The following KDM4C variants were observed in gnomAD, a reference collection of about 807,000 sequenced individuals.
KDM4C encodes the protein lysine demethylase 4C.
KDM4C carries 81 observed loss-of-function variants against 129.3 expected under a neutral mutation model. The ratio of observed to expected loss-of-function variants is 0.63; its 90% CI spans 0.52 to 0.75. KDM4C has a LOEUF of 0.75. KDM4C is among the 30% of genes least tolerant of loss of function. KDM4C has a pLI of 0.00. For missense variants in KDM4C, 1,457 were observed against 1,304.0 expected (o/e 1.12, Z -1.81); for synonymous variants, 573 against 456.1 (o/e 1.26, Z -3.26).
At chr9:6,858,263 A>G (rs1391744486) in intron 5 of KDM4C, among the ~76,000 whole-genome samples, 1 of 96,416 alleles carries the variant, frequency 1.0e-5, no homozygotes, top group East Asian at 4.5e-4. Flanking sequence ...TTTGCATATT[A>G]ATGAATTACT....
intron 1 of KDM4C, among the ~76,000 whole-genome samples, chr9:6,760,937 T>G (rs1356345432): frequency 2.6e-5 from 4 of 151,958 alleles, no homozygotes; most frequent in African/African-American, 9.7e-5. Context: ...CCAACTTCAG[T>G]TCTCCAGTTC....
chr9:7,169,997 C>T (rs778678814), intron 21 of KDM4C, 107 bp downstream of exon 21: 2 of 1,567,488 alleles, frequency 1.3e-6, no homozygotes, highest in Admixed American at 1.9e-5. Flanking sequence ...TGGATTAATT[C>T]TAAAAAAAGC....
intron 4 of KDM4C, among the ~76,000 whole-genome samples, chr9:6,833,046 A>G (rs1304164891): frequency 3.3e-5 from 5 of 151,872 alleles, no homozygotes; most frequent in Non-Finnish European, 1.5e-5. Context: ...GTAAAGTAGT[A>G]TAGATTATTG....
intron 15 of KDM4C, among the ~76,000 whole-genome samples, chr9:7,024,473 T>C (rs1020764946): frequency 2.0e-5 from 3 of 151,872 alleles, no homozygotes; most frequent in Non-Finnish European, 2.9e-5. Context: ...CCTAATGCTA[T>C]CCCTCCCCCG....
intron 1 of KDM4C, among the ~76,000 whole-genome samples, chr9:6,784,740 A>C (rs1407653894): frequency 1.3e-5 from 2 of 152,168 alleles, no homozygotes; most frequent in Non-Finnish European, 2.9e-5. Flanking sequence ...GAGAGAAATG[A>C]GTCCTGGCTT....
chr9:7,152,019 T>G (rs1842777384), intron 19 of KDM4C, among the ~76,000 whole-genome samples: 1 of 152,252 alleles, frequency 6.6e-6, no homozygotes, highest in African/African-American at 2.4e-5. Context: ...AGCATGAGAT[T>G]GCCTGGAAAG....
intron 8 of KDM4C, among the ~76,000 whole-genome samples, chr9:6,899,668 TC>T (rs1052063703): frequency 3.9e-5 from 6 of 152,176 alleles, no homozygotes; most frequent in African/African-American, 1.4e-4. Context: ...TCACATTATG[TC>T]CTCTTTTTAT....
intron 9 of KDM4C, among the ~76,000 whole-genome samples, chr9:6,983,310 T>G (rs534194437): frequency 6.6e-6 from 1 of 152,198 alleles, no homozygotes; most frequent in Non-Finnish European, 1.5e-5. Flanking sequence ...TTGTTCCTAA[T>G]TGTTAGGAAT....
At chr9:7,057,595 G>A (rs950858169) in intron 17 of KDM4C, among the ~76,000 whole-genome samples, 3 of 152,190 alleles carry the variant, frequency 2.0e-5, no homozygotes, top group African/African-American at 7.2e-5. Flanking sequence ...CTCAAAGAAC[G>A]TTAGCAATAT....
At chr9:7,145,747 C>T (rs1842164120) in intron 19 of KDM4C, among the ~76,000 whole-genome samples, 1 of 152,250 alleles carries the variant, frequency 6.6e-6, no homozygotes. Context: ...CACTCTCTTT[C>T]GCTTAAGTTT....
At chr9:7,142,532 G>A (rs1218219496) in intron 19 of KDM4C, among the ~76,000 whole-genome samples, 3 of 152,154 alleles carry the variant, frequency 2.0e-5, no homozygotes, top group African/African-American at 7.2e-5. Flanking sequence ...ATTTTCTGAA[G>A]GAGATGGACT....
intron 17 of KDM4C, among the ~76,000 whole-genome samples, chr9:7,059,405 C>G (rs185216090): frequency 5.3e-5 from 8 of 152,120 alleles, no homozygotes; most frequent in African/African-American, 1.4e-4. Flanking sequence ...GCCTAGCCCT[C>G]GAGAGTATTT....
At chr9:6,936,697 A>G (rs1174632930) in intron 8 of KDM4C, among the ~76,000 whole-genome samples, 1 of 152,200 alleles carries the variant, frequency 6.6e-6, no homozygotes, top group East Asian at 1.9e-4. Context: ...TGTGAAAACA[A>G]TATTTTGGGA....
intron 1 of KDM4C, among the ~76,000 whole-genome samples, chr9:6,764,180 G>C (rs1820156914): frequency 1.3e-5 from 2 of 152,194 alleles, no homozygotes; most frequent in African/African-American, 4.8e-5. Flanking sequence ...GATTTCTAGA[G>C]AATGGTAGGA....
At chr9:7,163,518 A>T (rs1366559412) in intron 19 of KDM4C, among the ~76,000 whole-genome samples, 1 of 152,146 alleles carries the variant, frequency 6.6e-6, no homozygotes, top group Non-Finnish European at 1.5e-5. Flanking sequence ...CATGGGAGAC[A>T]TCTTTAGCAG....
chr9:6,832,427 T>C (rs1295585342), intron 4 of KDM4C, among the ~76,000 whole-genome samples: 2 of 150,108 alleles, frequency 1.3e-5, no homozygotes, highest in African/African-American at 4.9e-5. Flanking sequence ...TTCTTTTTTT[T>C]CTTTTTTTTT....
At chr9:6,946,861 C>G (rs1827068678) in intron 8 of KDM4C, among the ~76,000 whole-genome samples, 1 of 151,238 alleles carries the variant, frequency 6.6e-6, no homozygotes. Flanking sequence ...TTCCTTTTTT[C>G]TTTTGTTTTT....
chr9:6,771,678 A>C (rs182659500), intron 1 of KDM4C, among the ~76,000 whole-genome samples: 93 of 152,322 alleles, frequency 6.1e-4, no homozygotes, highest in African/African-American at 2.2e-3. Flanking sequence ...ATGGCCTCCC[A>C]TGAGTCCTTC....
chr9:6,987,756 A>G lies in KDM4C; in HGVS notation c.1677+1090A>G, dbSNP rs530245117. On this transcript the variant is annotated intron_variant, in intron 11 of 21. Coordinates refer to ENST00000381309, the MANE Select transcript of KDM4C (RefSeq NM_015061.6). ...TATGTAGAATTGTATATCTCATTGA[A>G]TTATAAACACATCAAAAATATGAAA... is the stretch of plus-strand genomic sequence containing the variant. Among the ~76,000 whole-genome samples, 9 of 152,324 alleles carry G rather than the reference A, an allele frequency of 5.9e-5. No individual in the cohort carries two copies. The South Asian group carries it at 6.2e-4, about 11-fold the overall frequency.
Sources: allele counts gnomAD v4.1 joint callset (sites outside exome capture counted in the v4.1 genomes callset), GRCh38; gene constraint gnomAD v4.1.1; transcripts MANE v1.5; gene names NCBI Gene and HGNC (gene_info 2026-07-23, HGNC 2026-07-21).